The following HS3ST4 variants were observed in gnomAD, a reference collection of about 807,000 sequenced individuals.
HS3ST4 encodes the protein heparan sulfate glucosamine 3-O-sulfotransferase 4.
Under a neutral mutation model 29.2 loss-of-function variants are expected in HS3ST4, and 17 were observed. That is an observed-to-expected ratio of 0.58 (90% CI 0.40 to 0.87). The LOEUF (loss-of-function observed/expected upper bound fraction) is 0.87. HS3ST4 is among the 40% of genes least tolerant of loss of function. The pLI, the probability that HS3ST4 is intolerant of heterozygous loss-of-function variation, is 0.00. For missense variants in HS3ST4, 627 were observed against 634.5 expected (o/e 0.99, Z 0.13); for synonymous variants, 314 against 285.7 (o/e 1.10, Z -1.00).
At chr16:25,857,026 G>T (rs1238902056) in intron 1 of HS3ST4, among the ~76,000 whole-genome samples, 1 of 152,120 alleles carries the variant, frequency 6.6e-6, no homozygotes, top group African/African-American at 2.4e-5. Flanking sequence ...TGACCTGTTG[G>T]GTCTGTGCTT....
At chr16:25,860,269 T>C (rs1329642935) in intron 1 of HS3ST4, among the ~76,000 whole-genome samples, 1 of 152,278 alleles carries the variant, frequency 6.6e-6, no homozygotes, top group Non-Finnish European at 1.5e-5. Context: ...GGAATGCAAA[T>C]AGTACAGCCA....
At chr16:25,770,984 A>ATT (rs568852198) in intron 1 of HS3ST4, among the ~76,000 whole-genome samples, 1 of 148,346 alleles carries the variant, frequency 6.7e-6, no homozygotes, top group African/African-American at 2.5e-5. Flanking sequence ...AACAGCCAGG[A>ATT]TTTTTTTTTT....
intron 1 of HS3ST4, among the ~76,000 whole-genome samples, chr16:25,812,899 C>T (rs1353483285): frequency 1.3e-5 from 2 of 152,234 alleles, no homozygotes; most frequent in South Asian, 2.1e-4. Flanking sequence ...AGGATTCCCA[C>T]TTTTAAGGTA....
chr16:25,962,184 C>T lies in HS3ST4; in HGVS notation c.735-173428C>T, dbSNP rs538402172. Among the ~76,000 whole-genome samples the T allele has an allele frequency of 5.3e-5, 8 of 152,220 alleles. No individual in the cohort carries two copies. In the East Asian group the frequency reaches 1.2e-3, roughly 22 times the overall value. The stretch of plus-strand genomic sequence containing the variant: ...CCAGGGAGAAAACAAGGTACGAAGT[C>T]ATGGATCTCATTCCCAAATATCCAG... On this transcript the variant is annotated intron_variant, in intron 1 of 1. Transcript: ENST00000331351.
chr16:26,115,805 C>G (rs1899195227), intron 1 of HS3ST4, among the ~76,000 whole-genome samples: 1 of 152,088 alleles, frequency 6.6e-6, no homozygotes, highest in South Asian at 2.1e-4. Flanking sequence ...CATCTGGGGC[C>G]ACTGCCCTGC....
At chr16:25,965,145 C>T (rs934670446) in intron 1 of HS3ST4, among the ~76,000 whole-genome samples, 3 of 151,984 alleles carry the variant, frequency 2.0e-5, no homozygotes, top group Non-Finnish European at 4.4e-5. Flanking sequence ...TCGGGAGGTG[C>T]GGGTGGGAGG....
chr16:25,911,602 G>A (rs961698879), intron 1 of HS3ST4, among the ~76,000 whole-genome samples: 3 of 147,840 alleles, frequency 2.0e-5, no homozygotes, highest in South Asian at 2.2e-4. Context: ...CAACCCCTGG[G>A]CTCAAGTGAT....
chr16:26,055,535 G>T (rs1898396765), intron 1 of HS3ST4, among the ~76,000 whole-genome samples: 1 of 152,122 alleles, frequency 6.6e-6, no homozygotes, highest in South Asian at 2.1e-4. Context: ...TGGAATTATG[G>T]TGGTAGCCTA....
intron 1 of HS3ST4, among the ~76,000 whole-genome samples, chr16:25,958,999 T>G (rs1290039524): frequency 6.6e-6 from 1 of 152,234 alleles, no homozygotes; most frequent in Admixed American, 6.5e-5. Flanking sequence ...GTCAATACAC[T>G]GAGACATGGG....
At chr16:26,090,625 T>TC (rs1489529340) in intron 1 of HS3ST4, among the ~76,000 whole-genome samples, 1 of 151,516 alleles carries the variant, frequency 6.6e-6, no homozygotes, top group Admixed American at 6.6e-5. Context: ...ACAGCAGCCC[T>TC]CCCCTTGGAG....
intron 1 of HS3ST4, among the ~76,000 whole-genome samples, chr16:26,056,509 A>G (rs1469922495): frequency 2.0e-5 from 3 of 152,218 alleles, no homozygotes. Flanking sequence ...GGGGCACAGA[A>G]GTGCTCTGAG....
Position 25,710,808 on chromosome 16 carries a change from C to CTTTTTT in HS3ST4, c.734+17677_734+17682dup, listed in dbSNP as rs34759495. ...AGCAGTTGTGCTTTTGCATATTATC[C>CTTTTTT]TTTTTTTTTTTTTTTTTTTTTTTTT... On this transcript the variant is annotated intron_variant, in intron 1 of 1. Transcript: ENST00000331351. Among the ~76,000 whole-genome samples the CTTTTTT allele has an allele frequency of 6.0e-4, 29 of 48,544 alleles. 3 individuals are homozygous for CTTTTTT. Among genetic ancestry groups the CTTTTTT allele is most frequent in the Admixed American group, 8.1e-4 (2 of 2,482 alleles). 31.8% of individuals were successfully genotyped at this position (48,544 alleles called of 152,430 possible). A position where few individuals can be genotyped will look rare whatever the true frequency, so the allele number is the denominator to read the frequency against.
intron 1 of HS3ST4, among the ~76,000 whole-genome samples, chr16:25,777,229 C>T (rs933908370): frequency 5.9e-5 from 9 of 152,196 alleles, no homozygotes; most frequent in Admixed American, 5.9e-4. Context: ...TGCCTATCCT[C>T]CTTATGCATT....
intron 1 of HS3ST4, among the ~76,000 whole-genome samples, chr16:25,870,922 T>A (rs1422304085): frequency 1.5e-4 from 23 of 152,222 alleles, no homozygotes; most frequent in Admixed American, 1.5e-3. Flanking sequence ...TGTTCCAATC[T>A]ATCCTGATCC....
chr16:25,884,738 G>A (rs1376518839), intron 1 of HS3ST4, among the ~76,000 whole-genome samples: 9 of 152,086 alleles, frequency 5.9e-5, no homozygotes, highest in Admixed American at 5.2e-4. Context: ...GCTAATTTTT[G>A]TATTTTCAAT....
At chr16:25,913,645 G>A (rs1968260874) in intron 1 of HS3ST4, among the ~76,000 whole-genome samples, 1 of 152,206 alleles carries the variant, frequency 6.6e-6, no homozygotes, top group Admixed American at 6.5e-5. Flanking sequence ...GTTTTGCAGG[G>A]TAGAGAAGAA....
intron 1 of HS3ST4, among the ~76,000 whole-genome samples, chr16:25,969,568 C>G (rs1225894006): frequency 6.6e-6 from 1 of 152,202 alleles, no homozygotes; most frequent in Non-Finnish European, 1.5e-5. Context: ...ATTCCAGCTG[C>G]TCTTTGTCTG....
chr16:26,107,271 A>G (rs1468424778), intron 1 of HS3ST4, among the ~76,000 whole-genome samples: 1 of 151,882 alleles, frequency 6.6e-6, no homozygotes, highest in Non-Finnish European at 1.5e-5. Context: ...ACACATATAT[A>G]TGTAGTTTTA....
intron 1 of HS3ST4, among the ~76,000 whole-genome samples, chr16:26,090,497 G>T (rs927964928): frequency 6.6e-6 from 1 of 151,774 alleles, no homozygotes; most frequent in African/African-American, 2.4e-5. Flanking sequence ...GCATGAAAAG[G>T]GTGCACAAAA....
Sources: gnomAD v4.1 joint callset for allele counts (sites outside exome capture counted in the v4.1 genomes callset) on GRCh38, gnomAD v4.1.1 for gene constraint, MANE v1.5 for transcripts, NCBI Gene and HGNC (gene_info 2026-07-23, HGNC 2026-07-21) for gene names.